The following WSCD2 variants were observed in gnomAD, a reference collection of about 807,000 sequenced individuals.
WSCD2 encodes sialate:O-sulfotransferase 2.
A neutral mutation model predicts 55.7 loss-of-function variants in WSCD2; 28 were observed. That is an observed-to-expected ratio of 0.50 (90% CI 0.37 to 0.69). The LOEUF (loss-of-function observed/expected upper bound fraction) is 0.69, where lower values mean the gene tolerates loss of function less well. Ranked by LOEUF, WSCD2 falls within the 30% of genes least tolerant of loss-of-function variation. WSCD2 has a pLI of 0.00. For synonymous variants in WSCD2, 301 were observed against 301.9 expected (o/e 1.00, Z 0.03); for missense variants, 616 against 762.1 (o/e 0.81, Z 2.26).
chr12:108,143,079 G>C (rs1040134880), intron 1 of WSCD2, among the ~76,000 whole-genome samples: 2 of 152,224 alleles, frequency 1.3e-5, no homozygotes, highest in African/African-American at 4.8e-5. Flanking sequence ...CTTTCAAAGT[G>C]ATGGGATTAT....
intron 1 of WSCD2, among the ~76,000 whole-genome samples, chr12:108,172,497 T>G (rs1228939435): frequency 6.6e-6 from 1 of 152,186 alleles, no homozygotes; most frequent in African/African-American, 2.4e-5. Context: ...CAGCTGTAAC[T>G]AGTTAAGTTG....
intron 1 of WSCD2, among the ~76,000 whole-genome samples, chr12:108,139,863 T>A (rs1592869754): frequency 6.6e-6 from 1 of 151,992 alleles, no homozygotes; most frequent in South Asian, 2.1e-4. Flanking sequence ...CAGTGGCGAG[T>A]GAGCAGGAAC....
At chr12:108,181,149 C>T (rs905650094) in intron 1 of WSCD2, among the ~76,000 whole-genome samples, 5 of 152,202 alleles carry the variant, frequency 3.3e-5, no homozygotes, top group Non-Finnish European at 5.9e-5. Flanking sequence ...GCTTATCCAT[C>T]CCCTTAGGAA....
At chr12:108,162,898 T>G (rs920467874) in intron 1 of WSCD2, among the ~76,000 whole-genome samples, 3 of 152,196 alleles carry the variant, frequency 2.0e-5, no homozygotes, top group Non-Finnish European at 4.4e-5. Context: ...ATGCACAGGC[T>G]GTGTGTTGAG....
intron 7 of WSCD2, among the ~76,000 whole-genome samples, chr12:108,239,578 C>T (rs1234925426): frequency 1.3e-5 from 2 of 152,160 alleles, no homozygotes; most frequent in Non-Finnish European, 2.9e-5. Context: ...CCTACTTCCG[C>T]CCTCATTCTA....
At chr12:108,160,482 G>A (rs1257776229) in intron 1 of WSCD2, among the ~76,000 whole-genome samples, 2 of 152,096 alleles carry the variant, frequency 1.3e-5, no homozygotes, top group Non-Finnish European at 2.9e-5. Flanking sequence ...GAAGGCAAAG[G>A]GGAAGTAGGA....
intron 8 of WSCD2, among the ~76,000 whole-genome samples, chr12:108,245,365 C>T (rs1273658521): frequency 2.0e-5 from 3 of 152,204 alleles, no homozygotes; most frequent in African/African-American, 7.2e-5. Flanking sequence ...TAGCTCCCAA[C>T]GCCCAAGAAA....
At chr12:108,230,000 T>G (rs1032195637) in intron 6 of WSCD2, among the ~76,000 whole-genome samples, 1 of 152,222 alleles carries the variant, frequency 6.6e-6, no homozygotes, top group Admixed American at 6.5e-5. Context: ...ATCTCTCCTT[T>G]TCTCCATCCC....
intron 1 of WSCD2, among the ~76,000 whole-genome samples, chr12:108,151,783 T>C (rs1014417358): frequency 6.6e-6 from 1 of 152,066 alleles, no homozygotes; most frequent in African/African-American, 2.4e-5. Flanking sequence ...CCTCTGAGGG[T>C]TTTTTGAGAT....
Position 108,248,417 on chromosome 12 carries a change from C to T in WSCD2, c.*74C>T, listed in dbSNP as rs1890237739. 1 of 1,525,480 alleles carries T rather than the reference C, an allele frequency of 6.6e-7. No individual in the cohort carries two copies. Among genetic ancestry groups the T allele is most frequent in the Admixed American group, 2.0e-5 (1 of 49,542 alleles). 94.5% of individuals were successfully genotyped at this position (1,525,480 alleles called of 1,614,324 possible). A position where few individuals can be genotyped will look rare whatever the true frequency, so the allele number is the denominator to read the frequency against. ...CCTGGGGACTCAAGACCCCTGGTTA[C>T]CCCCACTCATCTGTCCTCTCTTTGG... On this transcript the variant is annotated 3_prime_UTR_variant, in exon 9 of 9. Coordinates refer to ENST00000547525, the MANE Select transcript of WSCD2 (RefSeq NM_014653.4). This position sits in a 1 kb window ranked among gnomAD's most constrained non-coding sequence, Gnocchi z 4.3.
intron 1 of WSCD2, among the ~76,000 whole-genome samples, chr12:108,162,192 C>T (rs1879137029): frequency 6.6e-6 from 1 of 152,202 alleles, no homozygotes; most frequent in South Asian, 2.1e-4. Flanking sequence ...CTCAGATTCT[C>T]TTCCAAGCCT....
chr12:108,177,672 G>A (rs988506970), intron 1 of WSCD2, among the ~76,000 whole-genome samples: 2 of 152,180 alleles, frequency 1.3e-5, no homozygotes, highest in African/African-American at 2.4e-5. Context: ...TGTAATCTCA[G>A]CACTTTGGGA....
At chr12:108,219,424 C>T (rs920114752) in intron 4 of WSCD2, among the ~76,000 whole-genome samples, 2 of 152,182 alleles carry the variant, frequency 1.3e-5, no homozygotes, top group African/African-American at 4.8e-5. Flanking sequence ...ACATAGGAGG[C>T]ACACATCATC....
At chr12:108,177,154 T>C (rs991483516) in intron 1 of WSCD2, among the ~76,000 whole-genome samples, 4 of 152,294 alleles carry the variant, frequency 2.6e-5, no homozygotes, top group East Asian at 1.9e-4. Context: ...TAAATGGGGC[T>C]TGTATTAGTG....
At chr12:108,167,564 C>G (rs539938832) in intron 1 of WSCD2, 1 of 152,168 alleles carries the variant, frequency 6.6e-6, no homozygotes, top group Non-Finnish European at 1.5e-5. Context: ...CATCAAAATT[C>G]GCAAGGGATT....
intron 1 of WSCD2, among the ~76,000 whole-genome samples, chr12:108,181,015 C>T (rs1881659168): frequency 2.0e-5 from 3 of 152,232 alleles, no homozygotes; most frequent in South Asian, 2.1e-4. Flanking sequence ...CAGGGGAGTC[C>T]GGATTCAAGC....
At position 108,248,102 on chromosome 12, in the gene WSCD2, A is replaced by T; in HGVS notation, c.1457A>T (p.Asp486Val). 1 of 1,614,088 alleles carries T rather than the reference A, an allele frequency of 6.2e-7. No homozygotes were observed. Among genetic ancestry groups the T allele is most frequent in the Middle Eastern group, 1.6e-4 (1 of 6,062 alleles). ...GTGCACTTTGAGGACCTGAAGCAGG[A>T]CCTCTTTGTCCAGCTGGGCCGGATG... ...LVVHFEDLKQDLFVQLGRMVS... is the reference protein window; with the variant it reads ...LVVHFEDLKQVLFVQLGRMVS... Residue 486 changes from aspartate to valine, a missense_variant, in exon 9 of 9, where the codon GAC (aspartate) becomes GTC (valine). This residue lies in a region of WSCD2 where 234 missense variants were observed against 264.6 expected (regional missense o/e 0.88). Transcript: ENST00000547525. This position sits in a 1 kb window ranked among gnomAD's most constrained non-coding sequence, Gnocchi z 4.3.
Position 108,232,888 on chromosome 12 carries a change from C to G in WSCD2, c.1137C>G (p.Tyr379Ter). 6.2e-7 allele frequency: 1 copy of G among 1,611,784 alleles called. No individual in the cohort carries two copies. Among genetic ancestry groups the G allele is most frequent in the Non-Finnish European group, 8.5e-7 (1 of 1,178,204 alleles). Residue 379 changes from tyrosine to a stop codon, truncating the protein, a stop_gained, in exon 7 of 9, where the codon TAC (tyrosine) becomes TAG (stop). Transcript: ENST00000547525. LOFTEE classifies it high-confidence loss of function. ...GCTACTACTTCGATGGCTCCCTCTA[C>G]AACAAAGGTGAGGAGATGGCAGGGA... ...TGSYYFDGSL[Y>*]NKGFKGERDH...
intron 4 of WSCD2, 111 bp from the exon 5 acceptor site, chr12:108,224,628 T>G (rs1887880635): frequency 7.0e-7 from 1 of 1,438,062 alleles, no homozygotes; most frequent in African/African-American, 1.4e-5. Flanking sequence ...GCTTGCTCTG[T>G]GACCTTGGGC....
Sources: allele counts gnomAD v4.1 joint callset (sites outside exome capture counted in the v4.1 genomes callset), GRCh38; gene constraint gnomAD v4.1.1; regional missense constraint gnomAD v4.1.1; non-coding constraint Gnocchi (gnomAD v3.1); transcripts MANE v1.5; gene names NCBI Gene and HGNC (gene_info 2026-07-23, HGNC 2026-07-21).